SLC19A1: variants seen among roughly 807,000 people sequenced by gnomAD.
SLC19A1 encodes solute carrier family 19 member 1.
A neutral mutation model predicts 35.3 loss-of-function variants in SLC19A1; 37 were observed. The ratio of observed to expected loss-of-function variants is 1.05; its 90% CI spans 0.81 to 1.38. SLC19A1 has a LOEUF of 1.38. Among genes scored for constraint, SLC19A1 ranks in the 40% most tolerant of loss-of-function variants. The pLI, the probability that SLC19A1 is intolerant of heterozygous loss-of-function variation, is 0.00. For synonymous variants in SLC19A1, 460 were observed against 398.5 expected (o/e 1.15, Z -1.84); for missense variants, 831 against 826.9 (o/e 1.00, Z -0.06).
In SLC19A1 at chr21:45,515,976, C is replaced by T; in HGVS notation, c.1458G>A (p.Val486=). The change falls in exon 6 of 6, where the codon GTG becomes GTA. Residue 486 remains valine (V), a synonymous_variant. Coordinates refer to ENST00000311124, the MANE Select transcript of SLC19A1 (RefSeq NM_194255.4). ...AEEKAAQALS[V]QDKGLGGLQP... is the part of the protein sequence containing the mutation. ...GCAGGCCTCCGAGGCCCTTGTCCTGCACGCTCAGTGCCTGTGCTGCCTTCT... is the reference window on the plus strand; with the variant it reads ...GCAGGCCTCCGAGGCCCTTGTCCTGTACGCTCAGTGCCTGTGCTGCCTTCT... 2 of 1,554,200 alleles carry T rather than the reference C, an allele frequency of 1.3e-6. No individual in the cohort carries two copies. The highest frequency in any genetic ancestry group is 1.7e-6 in the Non-Finnish European group (2 of 1,150,120).
Position 45,515,334 on chromosome 21 carries a change from T to G in SLC19A1, c.*324A>C. On this transcript the variant is annotated 3_prime_UTR_variant, in exon 6 of 6. Coordinates refer to ENST00000311124, the MANE Select transcript of SLC19A1 (RefSeq NM_194255.4). The stretch of plus-strand genomic sequence containing the variant: ...ATCCAAGAGGCCACTTCACTAGCCC[T>G]GGGGGGCAGAAAGGATTTGTCTCAA... 1 of 1,444,776 alleles carries G rather than the reference T, an allele frequency of 6.9e-7. No individual in the cohort carries two copies. The highest frequency in any genetic ancestry group is 1.4e-5 in the African/African-American group (1 of 69,648). 89.5% of individuals were successfully genotyped at this position (1,444,776 alleles called of 1,614,324 possible). A position where few individuals can be genotyped will look rare whatever the true frequency, so the allele number is the denominator to read the frequency against.
intron 1 of SLC19A1, among the ~76,000 whole-genome samples, chr21:45,555,171 CA>C (rs2078534179): frequency 1.9e-5 from 1 of 52,064 alleles, no homozygotes; most frequent in African/African-American, 9.3e-5. Context: ...GGGGGCGGCG[CA>C]GGGGGCGGTG....
At chr21:45,520,164 G>A (rs1232747056) in intron 5 of SLC19A1, among the ~76,000 whole-genome samples, 1 of 152,158 alleles carries the variant, frequency 6.6e-6, no homozygotes, top group African/African-American at 2.4e-5. Context: ...ATTAAGATTT[G>A]TGGGATGCAA....
intron 1 of SLC19A1, among the ~76,000 whole-genome samples, chr21:45,552,916 C>T (rs548059318): frequency 5.9e-5 from 9 of 152,330 alleles, no homozygotes; most frequent in African/African-American, 1.4e-4. Flanking sequence ...GACGGCCTCT[C>T]GCCCAGAACA....
chr21:45,543,601 G>T (rs2078375856), upstream of SLC19A1, among the ~76,000 whole-genome samples: 1 of 152,220 alleles, frequency 6.6e-6, no homozygotes, highest in African/African-American at 2.4e-5. Flanking sequence ...CAGGGCCCTT[G>T]CCCTAAATGG....
Position 45,533,214 on chromosome 21 carries a change from C to T in SLC19A1, c.190-1066G>A, listed in dbSNP as rs73907596. On this transcript the variant is annotated intron_variant, in intron 2 of 5. Transcript: ENST00000311124. This position sits in a 1 kb window ranked among gnomAD's most constrained non-coding sequence, Gnocchi z 4.5. ...CTCCACAGCCTTGGCCACTGAGCTG[C>T]TGGTGGACACTCCAGGCCTGGCTTC... 3.3e-3 allele frequency among the ~76,000 whole-genome samples: 502 copies of T among 152,362 alleles called. 3 individuals carry two copies. The highest frequency in any genetic ancestry group is 0.012 in the African/African-American group (487 of 41,592).
rs757629307 is a variant in SLC19A1, at chr21:45,531,966, G to A, written c.372C>T (p.Leu124=). 1 of 1,609,242 alleles carries A rather than the reference G, an allele frequency of 6.2e-7. No individual in the cohort carries two copies. The highest frequency in any genetic ancestry group is 8.5e-7 in the Non-Finnish European group (1 of 1,179,054). ...GCGCGGCCATGGTGACGCTGTAGAA[G>A]AGCTCCATGAGCTGCATGTGCGCCA... The part of the protein sequence containing the change: ...HSVAHMQLME[L]FYSVTMAARI... The change falls in exon 3 of 6, where the codon CTC becomes CTT. Residue 124 remains leucine (L), a synonymous_variant. Coordinates refer to ENST00000311124, the MANE Select transcript of SLC19A1 (RefSeq NM_194255.4).
At position 45,531,790 on chromosome 21, in the gene SLC19A1, G is replaced by T. The variant is rs779597576; in HGVS notation, c.548C>A (p.Ser183Tyr). ...LLVTVGRVSF[S>Y]TLNYISLAFL... ...GGCCAGCGAGATGTAGTTGAGCGTGGAGAAGGAGACTCGGCCCACAGTGAC... is the reference window on the plus strand; with the variant it reads ...GGCCAGCGAGATGTAGTTGAGCGTGTAGAAGGAGACTCGGCCCACAGTGAC... Residue 183 changes from serine (S) to tyrosine (Y), a missense_variant, in exon 3 of 6, where the codon TCC becomes TAC. By Grantham distance (144) the Ser-to-Tyr change is moderately radical. Transcript: ENST00000311124. 6.2e-7 allele frequency: 1 copy of T among 1,600,980 alleles called. No homozygotes were observed. The highest frequency in any genetic ancestry group is 1.7e-5 in the Admixed American group (1 of 57,986).
chr21:45,537,609 A>G (rs57628728), intron 2 of SLC19A1, among the ~76,000 whole-genome samples, 162 bp downstream of exon 2: 16,295 of 50,102 alleles, frequency 0.33, 3,532 homozygotes, highest in South Asian at 0.37. Flanking sequence ...ACCCACAGGC[A>G]GCCGCCCTGG....
At chr21:45,549,725 A>G (rs1385794718) in intron 1 of SLC19A1, among the ~76,000 whole-genome samples, 1 of 51,254 alleles carries the variant, frequency 2.0e-5, no homozygotes, top group Non-Finnish European at 3.6e-5. Context: ...GGAGGGGGAT[A>G]GGTGGTGGGG....
rs542422691 is a variant in SLC19A1, at chr21:45,530,754, C to G, written c.1151+16G>C. 3 of 1,550,082 alleles carry G rather than the reference C, an allele frequency of 1.9e-6. No homozygotes were observed. In the South Asian group the frequency reaches 3.6e-5, roughly 18 times the overall value. On this transcript the variant is annotated intron_variant, in intron 4 of 5. Coordinates refer to ENST00000311124, the MANE Select transcript of SLC19A1 (RefSeq NM_194255.4). The surrounding 1 kb of genome is among the most constrained non-coding windows in gnomAD (Gnocchi z 5.3). ...GCGCCTGCCCGCCCCCGGCTTCCCA[C>G]CCTTCTGGAACTCACGTGGCGATGG...
chr21:45,509,694 C>T, downstream of SLC19A1: 1 of 805,198 alleles, frequency 1.2e-6, no homozygotes. Context: ...TGCTGGGGGT[C>T]CCAGGCTTCG....
At chr21:45,511,496 C>G (rs1240873345), downstream of SLC19A1, among the ~76,000 whole-genome samples, 3 of 152,270 alleles carry the variant, frequency 2.0e-5, no homozygotes, top group African/African-American at 7.2e-5. Context: ...CTCCATGTCT[C>G]CCGGATGTCA....
chr21:45,530,917 G>T lies in SLC19A1; in HGVS notation c.1004C>A (p.Ser335Tyr). The T allele has an allele frequency of 6.8e-7, 1 of 1,469,936 alleles. No individual in the cohort carries two copies. Among genetic ancestry groups the T allele is most frequent in the South Asian group, 1.4e-5 (1 of 71,826 alleles). The allele number at this position is 1,469,936 out of a possible 1,614,324, so 91.1% of individuals were successfully genotyped here. A position where few individuals can be genotyped will look rare whatever the true frequency, so the allele number is the denominator to read the frequency against. The part of the protein sequence containing the change: ...GFVKIRWARW[S>Y]KLLIAGVTAT... ...CGTGACGCCCGCGATGAGCAGCTTG[G>T]ACCAGCGCGCCCAGCGGATCTTCAC... is the stretch of plus-strand genomic sequence containing the variant. The change falls in exon 4 of 6, where the codon TCC (serine) becomes TAC (tyrosine). Residue 335 changes from serine (S) to tyrosine (Y), a missense_variant. By Grantham distance (144) the Ser-to-Tyr change is moderately radical (BLOSUM62 -2). Transcript: ENST00000311124. The surrounding 1 kb of genome is among the most constrained non-coding windows in gnomAD (Gnocchi z 5.3).
intron 1 of SLC19A1, among the ~76,000 whole-genome samples, chr21:45,557,308 C>T (rs912209641): frequency 1.3e-5 from 2 of 152,196 alleles, no homozygotes; most frequent in Admixed American, 6.5e-5. Context: ...AGACCTTGGC[C>T]TCGTGACACC....
rs753752268 is a variant in SLC19A1, at chr21:45,515,812, G to C, written c.1622C>G (p.Thr541Arg). Residue 541 changes from threonine (T) to arginine (R), a missense_variant, in exon 6 of 6, where the codon ACA becomes AGA. Thr to Arg is a moderately conservative substitution (Grantham distance 71, BLOSUM62 -1). Coordinates refer to ENST00000311124, the MANE Select transcript of SLC19A1 (RefSeq NM_194255.4). ...PQAAEFLSPV[T>R]TPSPCTLCSA... ...GCACAGAGTGCAGGGGGAAGGGGTT[G>C]TCACTGGGCTCAGGAATTCAGCTGC... The C allele has an allele frequency of 1.2e-6, 2 of 1,610,478 alleles. No homozygotes were observed. The highest frequency in any genetic ancestry group is 1.7e-6 in the Non-Finnish European group (2 of 1,177,702).
At chr21:45,509,317 GGTCCCCCCGCCGACAGGCCCCACGT>G (rs2037432400), downstream of SLC19A1, 1 of 1,537,312 alleles carries the variant, frequency 6.5e-7, no homozygotes, top group Non-Finnish European at 8.7e-7. Context: ...GCACCCGGAG[GGTCCCCCCGCCGACAGGCCCCACGT>G]CTCCCACCTG....
In SLC19A1 at chr21:45,515,974, T is replaced by G; in HGVS notation, c.1460A>C (p.Gln487Pro). The G allele has an allele frequency of 1.3e-6, 2 of 1,553,800 alleles. No homozygotes were observed. The highest frequency in any genetic ancestry group is 1.7e-6 in the Non-Finnish European group (2 of 1,149,860). ...CTGCAGGCCTCCGAGGCCCTTGTCC[T>G]GCACGCTCAGTGCCTGTGCTGCCTT... ...EEKAAQALSVQDKGLGGLQPA... is the reference protein window; with the variant it reads ...EEKAAQALSVPDKGLGGLQPA... The change falls in exon 6 of 6, where the codon CAG becomes CCG. Residue 487 changes from glutamine (Q) to proline (P), a missense_variant. Transcript: ENST00000311124.
rs750345016 is a variant in SLC19A1, at chr21:45,530,730, C to G, written c.1151+40G>C. On this transcript the variant is annotated intron_variant, in intron 4 of 5. Coordinates refer to ENST00000311124, the MANE Select transcript of SLC19A1 (RefSeq NM_194255.4). This position sits in a 1 kb window ranked among gnomAD's most constrained non-coding sequence, Gnocchi z 5.3. ...AGCGAAGCGCGGGGCTTGATCCTGG[C>G]GCCTGCCCGCCCCCGGCTTCCCACC... The G allele has an allele frequency of 1.1e-5, 17 of 1,537,842 alleles. No individual in the cohort carries two copies. The African/African-American group carries it at 2.1e-4, about 19-fold the overall frequency.
Sources: gnomAD v4.1 joint callset for allele counts (sites outside exome capture counted in the v4.1 genomes callset) on GRCh38, gnomAD v4.1.1 for gene constraint, Gnocchi (gnomAD v3.1) non-coding constraint, MANE v1.5 for transcripts, NCBI Gene and HGNC (gene_info 2026-07-23, HGNC 2026-07-21) for gene names.